The following AEN variants were observed in gnomAD, a reference collection of about 807,000 sequenced individuals.
The protein encoded by AEN is apoptosis-enhancing nuclease.
Under a neutral mutation model 17.7 loss-of-function variants are expected in AEN, and 21 were observed. The observed-to-expected ratio is 1.19, with a 90% CI of 0.84 to 1.71. The LOEUF is 1.71. Ranked by LOEUF, AEN falls within the 40% of genes most tolerant of loss-of-function variation. The probability of loss-of-function intolerance (pLI) is 0.00; values close to 1 mark genes in which losing one functional copy is unlikely to be tolerated. For synonymous variants in AEN, 190 were observed against 173.0 expected (o/e 1.10, Z -0.77); for missense variants, 462 against 435.9 (o/e 1.06, Z -0.53).
chr15:88,623,250 C>G (rs1239022238), intron 1 of AEN, among the ~76,000 whole-genome samples: 2 of 152,158 alleles, frequency 1.3e-5, no homozygotes, highest in Non-Finnish European at 2.9e-5. Flanking sequence ...GACCTTTTCT[C>G]CTGGAAAGGA....
Position 88,631,970 on chromosome 15 carries a change from A to AC in AEN, c.*1679dup, listed in dbSNP as rs2057934807. 6.6e-6 allele frequency: 1 copy of AC among 152,298 alleles called. No individual in the cohort carries two copies. Among genetic ancestry groups the AC allele is most frequent in the South Asian group, 2.1e-4 (1 of 4,828 alleles). 9.4% of individuals were successfully genotyped at this position (152,298 alleles called of 1,614,324 possible). A position where few individuals can be genotyped will look rare whatever the true frequency, so the allele number is the denominator to read the frequency against. ...GACACTGCTGAAATCACACTACCCC[A>AC]CCCTCAGCTGAAGCCCCACGTTCCA... On this transcript the variant is annotated 3_prime_UTR_variant, in exon 4 of 4. Coordinates refer to ENST00000332810, the MANE Select transcript of AEN (RefSeq NM_022767.4).
At chr15:88,608,078 A>C in the AEN span, 4 of 518,538 alleles carry the variant, frequency 7.7e-6, no homozygotes, top group Admixed American at 5.9e-5. Context: ...CAAAGGGTCT[A>C]CTTTCAAGAA....
chr15:88,616,422 G>A (rs1324811124), upstream of AEN, among the ~76,000 whole-genome samples: 3 of 152,130 alleles, frequency 2.0e-5, no homozygotes, highest in Non-Finnish European at 4.4e-5. Context: ...CAATCCAGGG[G>A]CAGCCTCTGG....
At chr15:88,619,639 G>C (rs1015988540), upstream of AEN, among the ~76,000 whole-genome samples, 10 of 152,158 alleles carry the variant, frequency 6.6e-5, no homozygotes, top group African/African-American at 2.4e-4. Flanking sequence ...AGTGAGCCGA[G>C]ATTGTGCCAC....
At chr15:88,610,878 C>A in the AEN span, among the ~76,000 whole-genome samples, 11 of 152,340 alleles carry the variant, frequency 7.2e-5, no homozygotes, top group African/African-American at 2.6e-4. Context: ...GTCCTGCCAG[C>A]GCAATTAGAG....
upstream of AEN, among the ~76,000 whole-genome samples, chr15:88,618,998 T>C (rs1162433094): frequency 6.6e-6 from 1 of 152,178 alleles, no homozygotes; most frequent in Non-Finnish European, 1.5e-5. Flanking sequence ...GATCTTGCTA[T>C]GTTGCCCATG....
chr15:88,627,379 A>G (rs2057867863), intron 2 of AEN: 1 of 152,156 alleles, frequency 6.6e-6, no homozygotes, highest in Non-Finnish European at 1.5e-5. Context: ...AGGGAACAGT[A>G]TTAAAAAGGC....
chr15:88,613,195 G>A, the AEN span, among the ~76,000 whole-genome samples: 1 of 152,122 alleles, frequency 6.6e-6, no homozygotes, highest in Non-Finnish European at 1.5e-5. Flanking sequence ...GTGACCTCTG[G>A]CAAGGCACTT....
chr15:88,618,712 A>G (rs1256957237), upstream of AEN, among the ~76,000 whole-genome samples: 1 of 152,256 alleles, frequency 6.6e-6, no homozygotes, highest in East Asian at 1.9e-4. Context: ...CATTAAAACC[A>G]TAGAGAAATG....
upstream of AEN, among the ~76,000 whole-genome samples, chr15:88,618,051 A>T (rs1002018973): frequency 1.3e-5 from 2 of 151,988 alleles, no homozygotes; most frequent in Non-Finnish European, 2.9e-5. Context: ...TTCTTTCTAG[A>T]CTGGTTTACT....
the AEN span, among the ~76,000 whole-genome samples, chr15:88,612,113 GT>G: frequency 1.3e-5 from 2 of 152,220 alleles, no homozygotes; most frequent in Admixed American, 6.5e-5. Context: ...CAGGGTCTCT[GT>G]TTTCAGGGAG....
the AEN span, among the ~76,000 whole-genome samples, chr15:88,614,363 G>T: frequency 6.6e-6 from 1 of 151,738 alleles, no homozygotes; most frequent in East Asian, 1.9e-4. Flanking sequence ...CCACACCCTG[G>T]CTAATTACAG....
upstream of AEN, among the ~76,000 whole-genome samples, chr15:88,618,651 G>T (rs555217392): frequency 3.9e-5 from 6 of 152,300 alleles, no homozygotes; most frequent in South Asian, 1.2e-3. Flanking sequence ...TGAGACAGAG[G>T]TGAGTCTGTT....
chr15:88,630,170 C>T lies in AEN; in HGVS notation c.854C>T (p.Pro285Leu). 6.2e-7 allele frequency: 1 copy of T among 1,613,754 alleles called. No individual in the cohort carries two copies. The highest frequency in any genetic ancestry group is 8.5e-7 in the Non-Finnish European group (1 of 1,179,892). The change falls in exon 4 of 4, where the codon CCC (proline) becomes CTC (leucine). Residue 285 changes from proline (P) to leucine (L), a missense_variant. Coordinates refer to ENST00000332810, the MANE Select transcript of AEN (RefSeq NM_022767.4). This position sits in a 1 kb window ranked among gnomAD's most constrained non-coding sequence, Gnocchi z 5.1. The stretch of plus-strand genomic sequence containing the variant: ...GAGGCCCGCAGCCTCTGGACCTGCC[C>T]CGAGGACAGAGAACCTGACAGCAGC... ...QQEARSLWTC[P>L]EDREPDSSTD...
the AEN span, among the ~76,000 whole-genome samples, chr15:88,607,814 C>T: frequency 6.6e-6 from 1 of 152,150 alleles, no homozygotes; most frequent in Admixed American, 6.5e-5. Flanking sequence ...GCTCGGTGAA[C>T]TGACTTGATA....
chr15:88,609,843 A>G, the AEN span, among the ~76,000 whole-genome samples: 1 of 152,150 alleles, frequency 6.6e-6, no homozygotes, highest in African/African-American at 2.4e-5. Flanking sequence ...ACACCTCACA[A>G]TCCTACTCTG....
the AEN span, among the ~76,000 whole-genome samples, chr15:88,610,724 T>G: frequency 2.9e-4 from 44 of 152,248 alleles, no homozygotes; most frequent in African/African-American, 1.1e-3. Context: ...AAAGAGGAAG[T>G]GCTCACAATT....
intron 1 of AEN, among the ~76,000 whole-genome samples, chr15:88,623,903 G>T (rs1268555529): frequency 6.6e-6 from 1 of 152,222 alleles, no homozygotes; most frequent in Non-Finnish European, 1.5e-5. Flanking sequence ...CTACACCCCA[G>T]TGACTTGAGG....
chr15:88,616,340 C>G (rs1466165136), upstream of AEN, among the ~76,000 whole-genome samples: 2 of 152,160 alleles, frequency 1.3e-5, no homozygotes, highest in Non-Finnish European at 2.9e-5. Context: ...GATCCACCAG[C>G]CTCTGCTTCC....
Sources: gnomAD v4.1 joint callset for allele counts (sites outside exome capture counted in the v4.1 genomes callset) on GRCh38, gnomAD v4.1.1 for gene constraint, Gnocchi (gnomAD v3.1) non-coding constraint, MANE v1.5 for transcripts, NCBI Gene and HGNC (gene_info 2026-07-23, HGNC 2026-07-21) for gene names.